Variants in C6 observed in about 807,000 individuals in gnomAD.
C6 encodes the protein complement component C6.
A neutral mutation model predicts 112.9 loss-of-function variants in C6; 101 were observed. That is an observed-to-expected ratio of 0.89 (90% CI 0.76 to 1.06). The LOEUF is 1.06. Among genes scored for constraint, C6 ranks in the 50% least tolerant of loss-of-function variants. The pLI is 0.00. For missense variants in C6, 1,202 were observed against 1,104.6 expected (o/e 1.09, Z -1.25); for synonymous variants, 431 against 384.1 (o/e 1.12, Z -1.43).
At chr5:41,243,115 T>A (rs1406096940) in intron 1 of C6, among the ~76,000 whole-genome samples, 2 of 152,190 alleles carry the variant, frequency 1.3e-5, no homozygotes, top group Non-Finnish European at 2.9e-5. Flanking sequence ...TAGGATATTG[T>A]ACATTTCAAA....
chr5:41,203,306 C>G, intron 1 of C6, 56 bp from the exon 2 acceptor site: 1 of 1,549,934 alleles, frequency 6.5e-7, no homozygotes, highest in Non-Finnish European at 8.9e-7. Context: ...TAAACCTTCA[C>G]AAGTCATCCT....
chr5:41,214,038 T>G (rs1161557397), upstream of C6, among the ~76,000 whole-genome samples: 2 of 152,160 alleles, frequency 1.3e-5, no homozygotes, highest in African/African-American at 4.8e-5. Flanking sequence ...TAATGATGAT[T>G]ACGCTTCTCT....
At chr5:41,225,664 G>A (rs372374615) in intron 1 of C6, among the ~76,000 whole-genome samples, 5 of 152,070 alleles carry the variant, frequency 3.3e-5, no homozygotes, top group South Asian at 2.1e-4. Context: ...CAATGGTTGA[G>A]CTAGTTTACA....
At chr5:41,195,294 C>T (rs2150353412) in intron 5 of C6, among the ~76,000 whole-genome samples, 1 of 152,180 alleles carries the variant, frequency 6.6e-6, no homozygotes, top group African/African-American at 2.4e-5. Context: ...CATTATTTGA[C>T]TCTGGGTTTG....
chr5:41,256,817 G>C (rs1045544409), intron 1 of C6, among the ~76,000 whole-genome samples: 1 of 152,084 alleles, frequency 6.6e-6, no homozygotes, highest in Non-Finnish European at 1.5e-5. Flanking sequence ...TGATAAAAGG[G>C]AACACATTTT....
intron 1 of C6, among the ~76,000 whole-genome samples, chr5:41,240,624 C>G (rs1036464355): frequency 6.6e-6 from 1 of 152,136 alleles, no homozygotes; most frequent in Non-Finnish European, 1.5e-5. Context: ...TCTTCAGGCC[C>G]CTGGGAGGAC....
chr5:41,178,165 C>G (rs900173429), intron 7 of C6, among the ~76,000 whole-genome samples: 1 of 152,126 alleles, frequency 6.6e-6, no homozygotes, highest in African/African-American at 2.4e-5. Flanking sequence ...GGTTATTAAA[C>G]CACATATAAT....
chr5:41,236,513 G>A (rs1740315042), intron 1 of C6, among the ~76,000 whole-genome samples: 1 of 138,094 alleles, frequency 7.2e-6, no homozygotes. Flanking sequence ...AAATAAAGAT[G>A]TTCTTTGAAA....
intron 5 of C6, among the ~76,000 whole-genome samples, chr5:41,191,181 C>A (rs531010330): frequency 5.5e-5 from 8 of 146,012 alleles, no homozygotes; most frequent in Non-Finnish European, 1.0e-4. Context: ...ATTCTCTTGC[C>A]TCAGCCTCCC....
chr5:41,154,520 G>A (rs976337725), intron 14 of C6, among the ~76,000 whole-genome samples: 1 of 152,228 alleles, frequency 6.6e-6, no homozygotes, highest in African/African-American at 2.4e-5. Context: ...AGTAAAGAAT[G>A]TGAACATGAA....
At chr5:41,166,363 T>C (rs1747973533) in intron 9 of C6, among the ~76,000 whole-genome samples, 1 of 151,996 alleles carries the variant, frequency 6.6e-6, no homozygotes, top group Non-Finnish European at 1.5e-5. Flanking sequence ...TTCATTCTTT[T>C]CCTCTCTATG....
At position 41,149,420 on chromosome 5, in the gene C6, G is replaced by A; in HGVS notation, c.2444C>T (p.Ala815Val). Residue 815 changes from alanine (A) to valine (V), a missense_variant, in exon 17 of 18, where the codon GCT becomes GTT. Ala to Val is a moderately conservative substitution (Grantham distance 64). Transcript: ENST00000337836. ...ACATTTCTCAGCCAAAAACTTACAA[G>A]CGGGTGAAGTAAAGTAATCGTTGGA... is the stretch of plus-strand genomic sequence containing the variant. Reference protein sequence around the residue: ...TDSNDYFTSPACKFLAEKCLN... With the variant: ...TDSNDYFTSPVCKFLAEKCLN... 6.2e-7 allele frequency: 1 copy of A among 1,614,056 alleles called. No homozygotes were observed. Among genetic ancestry groups the A allele is most frequent in the South Asian group, 1.1e-5 (1 of 91,082 alleles).
intron 1 of C6, among the ~76,000 whole-genome samples, chr5:41,208,801 A>G (rs1751650144): frequency 6.6e-6 from 1 of 152,134 alleles, no homozygotes; most frequent in African/African-American, 2.4e-5. Context: ...TACAAGGAGG[A>G]GCTGGTACCA....
intron 1 of C6, among the ~76,000 whole-genome samples, chr5:41,211,260 A>T (rs1425040896): frequency 6.6e-6 from 1 of 152,062 alleles, no homozygotes; most frequent in Non-Finnish European, 1.5e-5. Context: ...GGGGAGAGGC[A>T]TAGCATTAGG....
At chr5:41,261,313 G>T in exon 1 of C6, 1 of 513,122 alleles carries the variant, frequency 1.9e-6, no homozygotes, top group Non-Finnish European at 2.5e-6. Flanking sequence ...ACTATATGAT[G>T]AAATATTTAA....
At chr5:41,160,413 T>C in intron 10 of C6, 46 bp from the exon 11 acceptor site, 2 of 1,464,954 alleles carry the variant, frequency 1.4e-6, no homozygotes, top group Non-Finnish European at 1.9e-6. Context: ...TCCCCTTTGG[T>C]AATAGGTTGC....
chr5:41,155,193 A>T, intron 13 of C6, 89 bp from the exon 14 acceptor site: 1 of 1,265,542 alleles, frequency 7.9e-7, no homozygotes, highest in Non-Finnish European at 1.1e-6. Flanking sequence ...TCTATCCTTC[A>T]CTTCTGGATC....
At chr5:41,203,850 AG>A (rs1751219340) in intron 1 of C6, 2 of 155,888 alleles carry the variant, frequency 1.3e-5, no homozygotes, top group African/African-American at 4.8e-5. Context: ...AATAGTGTTG[AG>A]GCTGCAGGTC....
chr5:41,222,262 T>C (rs1415591626), intron 1 of C6, among the ~76,000 whole-genome samples: 2 of 151,986 alleles, frequency 1.3e-5, no homozygotes, highest in Non-Finnish European at 2.9e-5. Flanking sequence ...TATTTATATA[T>C]GTTGCTAACT....
Sources: gnomAD v4.1 joint callset for allele counts (sites outside exome capture counted in the v4.1 genomes callset) on GRCh38, gnomAD v4.1.1 for gene constraint, MANE v1.5 for transcripts, NCBI Gene and HGNC (gene_info 2026-07-23, HGNC 2026-07-21) for gene names.